TMTC1: variants seen among roughly 807,000 people sequenced by gnomAD.
TMTC1 encodes the protein protein O-mannosyl-transferase TMTC1.
TMTC1 carries 73 observed loss-of-function variants against 104.8 expected under a neutral mutation model. The ratio of observed to expected loss-of-function variants is 0.70; its 90% CI spans 0.58 to 0.85. TMTC1 has a LOEUF of 0.85. Ranked by LOEUF, TMTC1 falls within the 40% of genes least tolerant of loss-of-function variation. The pLI is 0.00. For synonymous variants in TMTC1, 434 were observed against 428.7 expected, an observed-to-expected ratio of 1.01 and a Z score of -0.15; for missense variants, 1,035 against 1,096.1, an observed-to-expected ratio of 0.94 and a Z score of 0.79.
rs1405751773 is a variant in TMTC1 at position 29,501,564 on chromosome 12, CAA to C, written c.*5280_*5281del. ...GTAGTGTACCCCTCCTATGGACCAGCAAGATAAATAACCCCCAAAGGACATCA... is the reference window on the plus strand; with the variant it reads ...GTAGTGTACCCCTCCTATGGACCAGCGATAAATAACCCCCAAAGGACATCA... On this transcript the variant is annotated 3_prime_UTR_variant, in exon 18 of 18. Transcript: ENST00000539277. 2.0e-5 allele frequency: 3 copies of C among 150,546 alleles called. No individual in the cohort carries two copies. The East Asian group carries it at 5.9e-4, about 30-fold the overall frequency. 9.3% of individuals were successfully genotyped at this position (150,546 alleles called of 1,614,324 possible).
intron 7 of TMTC1, among the ~76,000 whole-genome samples, chr12:29,589,587 T>G (rs1010322373): frequency 6.6e-6 from 1 of 152,222 alleles, no homozygotes; most frequent in Non-Finnish European, 1.5e-5. Context: ...ATAGTCATTT[T>G]CTGCCTCCTT....
chr12:29,668,063 C>T (rs562663317), intron 5 of TMTC1, among the ~76,000 whole-genome samples: 1 of 152,338 alleles, frequency 6.6e-6, no homozygotes, highest in South Asian at 2.1e-4. Context: ...GTTTATTCAG[C>T]ATGTTTCCAA....
chr12:29,743,542 T>C (rs1942880175), intron 5 of TMTC1, among the ~76,000 whole-genome samples: 1 of 152,108 alleles, frequency 6.6e-6, no homozygotes, highest in South Asian at 2.1e-4. Context: ...CATTTAAGCA[T>C]GTATATTTTT....
chr12:29,628,949 A>G (rs974647710), intron 6 of TMTC1, among the ~76,000 whole-genome samples: 2 of 152,080 alleles, frequency 1.3e-5, no homozygotes, highest in South Asian at 2.1e-4. Flanking sequence ...GGCATCAGAG[A>G]CTGCGCCCGG....
At chr12:29,617,385 A>G (rs1947011433) in intron 6 of TMTC1, among the ~76,000 whole-genome samples, 1 of 152,152 alleles carries the variant, frequency 6.6e-6, no homozygotes, top group Non-Finnish European at 1.5e-5. Context: ...GATATGTTTC[A>G]TTGCCATCTA....
intron 5 of TMTC1, among the ~76,000 whole-genome samples, chr12:29,701,223 C>G (rs986350655): frequency 8.5e-5 from 13 of 152,086 alleles, no homozygotes; most frequent in Non-Finnish European, 2.9e-5. Context: ...TCAAAGAGAA[C>G]AGGGTGACCA....
chr12:29,727,005 C>A (rs1269993238), intron 5 of TMTC1, among the ~76,000 whole-genome samples: 3 of 152,204 alleles, frequency 2.0e-5, no homozygotes, highest in East Asian at 3.8e-4. Context: ...AGGGGTATAA[C>A]TCTGCTGCTC....
At chr12:29,585,404 G>A (rs1230445253) in intron 7 of TMTC1, among the ~76,000 whole-genome samples, 1 of 152,194 alleles carries the variant, frequency 6.6e-6, no homozygotes, top group Non-Finnish European at 1.5e-5. Context: ...TGTTTACTCT[G>A]ATGGTAGTTT....
chr12:29,766,474 TAGAC>T (rs1943466621), intron 2 of TMTC1, among the ~76,000 whole-genome samples: 1 of 152,222 alleles, frequency 6.6e-6, no homozygotes, highest in South Asian at 2.1e-4. Flanking sequence ...AGATACGTGT[TAGAC>T]AGGGAGAGAT....
At chr12:29,715,771 C>T (rs1032287860) in intron 5 of TMTC1, among the ~76,000 whole-genome samples, 5 of 152,082 alleles carry the variant, frequency 3.3e-5, no homozygotes, top group Non-Finnish European at 7.3e-5. Context: ...CACCTCTTCA[C>T]AGGGTGGCAG....
At position 29,506,731 on chromosome 12, in the gene TMTC1, T is replaced by C. The variant is rs1356111303; in HGVS notation, c.*115A>G. 3 of 1,359,580 alleles carry C rather than the reference T, an allele frequency of 2.2e-6. No individual in the cohort carries two copies. The highest frequency in any genetic ancestry group is 3.1e-6 in the Non-Finnish European group (3 of 969,400). 84.2% of individuals were successfully genotyped at this position (1,359,580 alleles called of 1,614,324 possible). On this transcript the variant is annotated 3_prime_UTR_variant, in exon 18 of 18. Transcript: ENST00000539277. ...TGTCCCAAAATGTGTCACCCTGAAC[T>C]CGGAATGAGAGAAAATCTCATTAGT...
At chr12:29,524,292 G>T (rs994295689) in intron 11 of TMTC1, among the ~76,000 whole-genome samples, 3 of 152,148 alleles carry the variant, frequency 2.0e-5, no homozygotes, top group African/African-American at 7.2e-5. Context: ...ATAGATCAAA[G>T]AATGAGCCAG....
chr12:29,555,134 CTTTTT>C (rs77513599), intron 10 of TMTC1, among the ~76,000 whole-genome samples: 2 of 88,202 alleles, frequency 2.3e-5, no homozygotes, highest in African/African-American at 9.4e-5. Context: ...TTCCAACATC[CTTTTT>C]TTTTTTTTTT....
intron 5 of TMTC1, among the ~76,000 whole-genome samples, chr12:29,681,321 C>T (rs1185839428): frequency 6.6e-6 from 1 of 152,042 alleles, no homozygotes; most frequent in East Asian, 1.9e-4. Context: ...AATCAAATGT[C>T]TCATGAAGGA....
At chr12:29,696,338 C>T (rs1798567319) in intron 5 of TMTC1, among the ~76,000 whole-genome samples, 1 of 151,978 alleles carries the variant, frequency 6.6e-6, no homozygotes, top group Admixed American at 6.6e-5. Flanking sequence ...TTAAATGTTT[C>T]AAAAGTAAGA....
chr12:29,635,584 GAACTGACTAATC>G (rs1938510110), intron 5 of TMTC1, among the ~76,000 whole-genome samples: 2 of 152,150 alleles, frequency 1.3e-5, no homozygotes, highest in Admixed American at 6.6e-5. Flanking sequence ...CAGGTGCCTA[GAACTGACTAATC>G]AACTTTAACA....
At chr12:29,576,873 A>G (rs540950177) in intron 8 of TMTC1, among the ~76,000 whole-genome samples, 1 of 152,296 alleles carries the variant, frequency 6.6e-6, no homozygotes, top group Admixed American at 6.5e-5. Flanking sequence ...TTCACTGTGG[A>G]TATGCATATC....
chr12:29,502,979 T>C lies in TMTC1; in HGVS notation c.*3867A>G, dbSNP rs1211707387. ...TCTGAGAACCTGGAATGTTTTACAATGAAAACAGGAAACCCACATTTGCTC... is the reference window on the plus strand; with the variant it reads ...TCTGAGAACCTGGAATGTTTTACAACGAAAACAGGAAACCCACATTTGCTC... On this transcript the variant is annotated 3_prime_UTR_variant, in exon 18 of 18. Transcript: ENST00000539277. The C allele has an allele frequency of 6.6e-6, 1 of 152,206 alleles. No individual in the cohort carries two copies. Among genetic ancestry groups the C allele is most frequent in the African/African-American group, 2.4e-5 (1 of 41,456 alleles). 9.4% of individuals were successfully genotyped at this position (152,206 alleles called of 1,614,324 possible). A position where few individuals can be genotyped will look rare whatever the true frequency, so the allele number is the denominator to read the frequency against.
intron 5 of TMTC1, among the ~76,000 whole-genome samples, chr12:29,637,085 A>AAAACACACACACACAC (rs374276185): frequency 8.4e-5 from 4 of 47,644 alleles, no homozygotes; most frequent in Non-Finnish European, 2.3e-4. Context: ...CAAAATGAGA[A>AAAACACACACACACAC]ACACACACAC....
Sources: allele counts gnomAD v4.1 joint callset (sites outside exome capture counted in the v4.1 genomes callset), GRCh38; gene constraint gnomAD v4.1.1; transcripts MANE v1.5; gene names NCBI Gene and HGNC (gene_info 2026-07-23, HGNC 2026-07-21).